The following PCDHGA6 variants were observed in gnomAD, a reference collection of about 807,000 sequenced individuals.
The protein encoded by PCDHGA6 is protocadherin gamma subfamily A, 6.
Under a neutral mutation model 60.6 loss-of-function variants are expected in PCDHGA6, and 41 were observed. That is an observed-to-expected ratio of 0.68 (90% CI 0.53 to 0.88). PCDHGA6 has a LOEUF of 0.88. Ranked by LOEUF, PCDHGA6 falls within the 40% of genes least tolerant of loss-of-function variation. The probability of loss-of-function intolerance (pLI) is 0.00; values close to 1 mark genes in which losing one functional copy is unlikely to be tolerated. For missense variants in PCDHGA6, 1,312 were observed against 1,203.0 expected, an observed-to-expected ratio of 1.09 and a Z score of -1.34; for synonymous variants, 594 against 524.4, an observed-to-expected ratio of 1.13 and a Z score of -1.81.
intron 1 of PCDHGA6, chr5:141,388,656 G>C (rs747453786): frequency 2.5e-5 from 40 of 1,613,886 alleles, no homozygotes; most frequent in Non-Finnish European, 3.4e-5. Context: ...CGTGTACCCG[G>C]GGACCACGGT....
intron 1 of PCDHGA6, chr5:141,414,562 A>G (rs770740530): frequency 3.1e-6 from 5 of 1,613,924 alleles, no homozygotes; most frequent in Non-Finnish European, 4.2e-6. Context: ...CTCCTACTTT[A>G]CCTATATCCC....
At chr5:141,410,762 T>C in intron 1 of PCDHGA6, 1 of 1,171,656 alleles carries the variant, frequency 8.5e-7, no homozygotes, top group Non-Finnish European at 1.2e-6. Flanking sequence ...GTTTTTTCAA[T>C]TATAGTTTTC....
At chr5:141,399,705 C>G in intron 1 of PCDHGA6, 1 of 1,613,470 alleles carries the variant, frequency 6.2e-7, no homozygotes. Flanking sequence ...CCTTCGAACT[C>G]ACACTACAGG....
intron 1 of PCDHGA6, among the ~76,000 whole-genome samples, chr5:141,444,150 GGA>G (rs1471930589): frequency 1.6e-4 from 18 of 114,012 alleles, no homozygotes; most frequent in Non-Finnish European, 2.3e-4. Context: ...TGTGTGTACT[GGA>G]TTTTTTTTTT....
At chr5:141,395,423 C>A in intron 1 of PCDHGA6, 1 of 731,386 alleles carries the variant, frequency 1.4e-6, no homozygotes, top group Non-Finnish European at 2.1e-6. Context: ...GTTTCATTTG[C>A]TTTTAAACGA....
At chr5:141,427,969 A>G (rs1239461810) in intron 1 of PCDHGA6, 1 of 1,591,942 alleles carries the variant, frequency 6.3e-7, no homozygotes, top group Admixed American at 1.7e-5. Context: ...CGGGTGCTGT[A>G]CCCCGCGCTG....
rs76381401 is a variant in PCDHGA6, at chr5:141,399,054, G to A, written c.2424+22547G>A. 4.7e-4 allele frequency: 759 copies of A among 1,613,694 alleles called. 3 individuals are homozygous for A. The African/African-American group carries it at 8.4e-3, about 18-fold the overall frequency. ...AGAAACTGGATTTTGAAGAGACCAAGGAATATTCAATGGTTGTAGAAGGGA... is the reference window on the plus strand; with the variant it reads ...AGAAACTGGATTTTGAAGAGACCAAAGAATATTCAATGGTTGTAGAAGGGA... On this transcript the variant is annotated intron_variant, in intron 1 of 3. Coordinates refer to ENST00000517434, the MANE Select transcript of PCDHGA6 (RefSeq NM_018919.3).
At chr5:141,424,297 A>G (rs2096812591) in intron 1 of PCDHGA6, 1 of 152,466 alleles carries the variant, frequency 6.6e-6, no homozygotes, top group African/African-American at 2.4e-5. Flanking sequence ...TCTTCATCCT[A>G]TCAACACAGA....
intron 1 of PCDHGA6, chr5:141,400,435 A>G (rs2094019562): frequency 6.2e-7 from 1 of 1,614,078 alleles, no homozygotes. Flanking sequence ...TGAGCAATTG[A>G]GTTCAGGACA....
intron 1 of PCDHGA6, chr5:141,399,518 G>C (rs2093824828): frequency 6.2e-7 from 1 of 1,613,994 alleles, no homozygotes. Flanking sequence ...AACCCTCCTG[G>C]GGCCTCCATC....
At chr5:141,488,913 A>G (rs887938731) in intron 1 of PCDHGA6, among the ~76,000 whole-genome samples, 4 of 152,196 alleles carry the variant, frequency 2.6e-5, no homozygotes, top group African/African-American at 7.2e-5. Flanking sequence ...TGTGTTCCCA[A>G]GGTTTCCAGG....
chr5:141,406,288 G>A (rs72790038), intron 1 of PCDHGA6, among the ~76,000 whole-genome samples: 9,719 of 151,928 alleles, frequency 0.064, 366 homozygotes, highest in African/African-American at 0.1. Context: ...CCAAAGCACT[G>A]GGTGAGGTGT....
intron 1 of PCDHGA6, chr5:141,385,172 C>A (rs1013319688): frequency 1.2e-6 from 2 of 1,614,210 alleles, no homozygotes; most frequent in Non-Finnish European, 8.5e-7. Context: ...CATGAGGTCT[C>A]CCTCACCGCG....
intron 1 of PCDHGA6, among the ~76,000 whole-genome samples, chr5:141,429,369 G>A (rs1368624471): frequency 6.7e-6 from 1 of 148,994 alleles, no homozygotes; most frequent in Non-Finnish European, 1.5e-5. Context: ...AGAAAATGGA[G>A]AAAATGTGTT....
chr5:141,385,288 T>G (rs1781084944), intron 1 of PCDHGA6: 1 of 1,613,250 alleles, frequency 6.2e-7, no homozygotes, highest in Admixed American at 1.7e-5. Context: ...ATCCGTAGAT[T>G]TTCAGGAATG....
chr5:141,393,776 C>T (rs752900835), intron 1 of PCDHGA6: 10 of 1,613,596 alleles, frequency 6.2e-6, no homozygotes, highest in South Asian at 5.5e-5. Context: ...AAATACAAGC[C>T]GAAGATGTGG....
At position 141,491,410 on chromosome 5, in the gene PCDHGA6, G is replaced by A. The variant is rs777207581; in HGVS notation, c.2425-3397G>A. The A allele has an allele frequency of 1.9e-6, 3 of 1,614,024 alleles. No homozygotes were observed. Among genetic ancestry groups the A allele is most frequent in the Admixed American group, 1.7e-5 (1 of 60,006 alleles). ...GTGCCTTCAGGGAAACGCAGACGGGGACGGGGGTGGAGGGCAGTGCTGCAG... is the reference window on the plus strand; with the variant it reads ...GTGCCTTCAGGGAAACGCAGACGGGAACGGGGGTGGAGGGCAGTGCTGCAG... On this transcript the variant is annotated intron_variant, in intron 1 of 3. Transcript: ENST00000517434. The surrounding 1 kb of genome is among the most constrained non-coding windows in gnomAD (Gnocchi z 6.9).
chr5:141,474,608 T>G (rs1469173973), intron 1 of PCDHGA6, among the ~76,000 whole-genome samples: 1 of 152,268 alleles, frequency 6.6e-6, no homozygotes, highest in Non-Finnish European at 1.5e-5. Flanking sequence ...AGGTCACATA[T>G]GGCTTTTCAT....
chr5:141,427,871 G>A (rs762885351), intron 1 of PCDHGA6: 1 of 1,559,530 alleles, frequency 6.4e-7, no homozygotes, highest in South Asian at 1.1e-5. Flanking sequence ...TCGAGCTCAC[G>A]ATGCAGGCCC....
Sources: gnomAD v4.1 joint callset for allele counts (sites outside exome capture counted in the v4.1 genomes callset) on GRCh38, gnomAD v4.1.1 for gene constraint, Gnocchi (gnomAD v3.1) non-coding constraint, MANE v1.5 for transcripts, NCBI Gene and HGNC (gene_info 2026-07-23, HGNC 2026-07-21) for gene names.